Variants in PRDM16 observed in about 807,000 individuals in gnomAD.
The protein encoded by PRDM16 is histone-lysine N-methyltransferase PRDM16.
In PRDM16, 23 loss-of-function variants were observed where a neutral mutation model predicts 110.6. That is an observed-to-expected ratio of 0.21 (90% CI 0.15 to 0.29). The LOEUF (loss-of-function observed/expected upper bound fraction) is 0.29. Among genes scored for constraint, PRDM16 ranks in the 10% least tolerant of loss-of-function variants. The pLI, the probability that PRDM16 is intolerant of heterozygous loss-of-function variation, is 1.00. For missense variants in PRDM16, 1,615 were observed against 1,794.3 expected, an observed-to-expected ratio of 0.90 and a Z score of 1.81; for synonymous variants, 799 against 781.8, an observed-to-expected ratio of 1.02 and a Z score of -0.37.
chr1:3,227,398 C>T (rs1289561550), intron 2 of PRDM16, among the ~76,000 whole-genome samples: 2 of 152,276 alleles, frequency 1.3e-5, no homozygotes, highest in African/African-American at 2.4e-5. Context: ...TACTCAGTGA[C>T]CCCGGGCAAG....
intron 3 of PRDM16, among the ~76,000 whole-genome samples, chr1:3,268,748 A>G (rs1055249119): frequency 6.6e-6 from 1 of 152,132 alleles, no homozygotes; most frequent in African/African-American, 2.4e-5. Flanking sequence ...CTCAGAGTCC[A>G]TTGGGGTCAC....
chr1:3,410,641 G>A (rs1033129225), intron 8 of PRDM16, among the ~76,000 whole-genome samples: 7 of 152,166 alleles, frequency 4.6e-5, no homozygotes, highest in African/African-American at 1.7e-4. Flanking sequence ...GATCTGGTGC[G>A]GAGAGGGGAG....
intron 16 of PRDM16, among the ~76,000 whole-genome samples, chr1:3,433,031 G>A (rs980190978): frequency 2.6e-4 from 40 of 152,228 alleles, no homozygotes; most frequent in South Asian, 6.2e-4. Context: ...TCCCCTGGCA[G>A]GGGTGGCTCT....
At chr1:3,271,548 G>T (rs1006647567) in intron 3 of PRDM16, among the ~76,000 whole-genome samples, 1 of 152,214 alleles carries the variant, frequency 6.6e-6, no homozygotes, top group Non-Finnish European at 1.5e-5. Context: ...GCTGCCCTTG[G>T]GGGTGAACCC....
intron 3 of PRDM16, among the ~76,000 whole-genome samples, chr1:3,323,286 G>T (rs1157497180): frequency 6.6e-6 from 1 of 152,310 alleles, no homozygotes; most frequent in East Asian, 1.9e-4. Context: ...CCAAGACGAC[G>T]GTGAGAGTCC....
At chr1:3,266,739 A>G (rs954585426) in intron 3 of PRDM16, among the ~76,000 whole-genome samples, 24 of 152,142 alleles carry the variant, frequency 1.6e-4, no homozygotes, top group Non-Finnish European at 3.4e-4. Flanking sequence ...GCAACGGCGC[A>G]ATCTCAGCTC....
At chr1:3,162,277 A>C (rs964041022) in intron 1 of PRDM16, among the ~76,000 whole-genome samples, 2 of 151,486 alleles carry the variant, frequency 1.3e-5, no homozygotes, top group Admixed American at 1.3e-4. Flanking sequence ...CCTCCTCCCG[A>C]GTCCCGGGAC....
At chr1:3,280,289 G>A (rs995598573) in intron 3 of PRDM16, among the ~76,000 whole-genome samples, 1 of 152,212 alleles carries the variant, frequency 6.6e-6, no homozygotes, top group East Asian at 1.9e-4. Context: ...ATGACCTGGT[G>A]TGTGTGCACG....
At chr1:3,140,750 C>T (rs1471969288) in intron 1 of PRDM16, among the ~76,000 whole-genome samples, 1 of 152,210 alleles carries the variant, frequency 6.6e-6, no homozygotes, top group Non-Finnish European at 1.5e-5. Context: ...GTCACGCGTC[C>T]CTCTCTGCAT....
Position 3,414,575 on chromosome 1 carries a change from G to A in PRDM16, c.2619G>A (p.Arg873=). Residue 873 remains arginine (R), a synonymous_variant, in exon 10 of 17, where the codon CGG becomes CGA. Transcript: ENST00000270722. ...TGTTGTCCAGCAGGGTAGAAAAGCG[G>A]AAGGTCACAGACCCCGTGGGAGCCC... ...MDPIYSRVEK[R]KVTDPVGALK... 6.2e-7 allele frequency: 1 copy of A among 1,613,420 alleles called. No homozygotes were observed. The highest frequency in any genetic ancestry group is 8.5e-7 in the Non-Finnish European group (1 of 1,179,762).
chr1:3,418,968 T>A (rs910462406), intron 12 of PRDM16, among the ~76,000 whole-genome samples: 2 of 152,094 alleles, frequency 1.3e-5, no homozygotes, highest in African/African-American at 2.4e-5. Context: ...CTGGAAGGCA[T>A]CTGCCTGGCT....
intron 1 of PRDM16, among the ~76,000 whole-genome samples, chr1:3,171,087 C>T (rs964929112): frequency 3.0e-4 from 46 of 152,376 alleles, no homozygotes; most frequent in African/African-American, 1.1e-3. Context: ...CCACGGAGAC[C>T]TGCACCTTCC....
chr1:3,310,396 C>T (rs1038820156), intron 3 of PRDM16, among the ~76,000 whole-genome samples: 2 of 152,176 alleles, frequency 1.3e-5, no homozygotes, highest in Non-Finnish European at 2.9e-5. Flanking sequence ...CTGCTGAGCC[C>T]GGTGACCCTG....
intron 2 of PRDM16, among the ~76,000 whole-genome samples, chr1:3,223,722 G>A (rs1158827209): frequency 6.6e-6 from 1 of 152,146 alleles, no homozygotes; most frequent in African/African-American, 2.4e-5. Context: ...CAGACCAGGT[G>A]CAAGAGGTCA....
intron 10 of PRDM16, among the ~76,000 whole-genome samples, chr1:3,417,436 A>G (rs896897387): frequency 4.6e-5 from 7 of 152,210 alleles, no homozygotes; most frequent in Non-Finnish European, 7.3e-5. Context: ...AAACTAGCCA[A>G]CCAGAAGTGC....
At chr1:3,097,385 C>T (rs754242922) in intron 1 of PRDM16, among the ~76,000 whole-genome samples, 1 of 152,220 alleles carries the variant, frequency 6.6e-6, no homozygotes, top group Admixed American at 6.5e-5. Context: ...TCTGGGCTTC[C>T]AGTGAGCAGA....
chr1:3,152,964 G>A (rs554229768), intron 1 of PRDM16, among the ~76,000 whole-genome samples: 60 of 152,344 alleles, frequency 3.9e-4, no homozygotes, highest in African/African-American at 1.4e-3. Context: ...AACTAACAGG[G>A]GTCATTTCTA....
intron 1 of PRDM16, among the ~76,000 whole-genome samples, chr1:3,113,945 T>TC (rs1212614627): frequency 6.6e-6 from 1 of 152,250 alleles, no homozygotes; most frequent in Non-Finnish European, 1.5e-5. Flanking sequence ...TTCTTTTTTT[T>TC]CTCTCCCACT....
intron 1 of PRDM16, among the ~76,000 whole-genome samples, chr1:3,119,145 C>A (rs577226589): frequency 1.3e-5 from 2 of 152,344 alleles, no homozygotes; most frequent in Non-Finnish European, 2.9e-5. Context: ...TGACTTCCAG[C>A]TGCACAGCTA....
Sources: allele counts gnomAD v4.1 joint callset (sites outside exome capture counted in the v4.1 genomes callset), GRCh38; gene constraint gnomAD v4.1.1; transcripts MANE v1.5; gene names NCBI Gene and HGNC (gene_info 2026-07-23, HGNC 2026-07-21).